The following TDRD3 variants were observed in gnomAD, a reference collection of about 807,000 sequenced individuals.
The protein encoded by TDRD3 is tudor domain containing 3.
TDRD3 carries 45 observed loss-of-function variants against 86.7 expected under a neutral mutation model. The ratio of observed to expected loss-of-function variants is 0.52; its 90% CI spans 0.41 to 0.67. The LOEUF is 0.67. TDRD3 is among the 30% of genes least tolerant of loss of function. TDRD3 has a pLI of 0.00. For missense variants in TDRD3, 814 were observed against 889.0 expected (o/e 0.92, Z 1.07); for synonymous variants, 298 against 301.7 (o/e 0.99, Z 0.13).
At chr13:60,464,432 A>C (rs1955870337) in intron 4 of TDRD3, among the ~76,000 whole-genome samples, 1 of 152,148 alleles carries the variant, frequency 6.6e-6, no homozygotes, top group Non-Finnish European at 1.5e-5. Flanking sequence ...AAGTCAGCAT[A>C]TTGAGGAAGC....
intron 12 of TDRD3, chr13:60,537,521 T>C (rs994306704): frequency 1.3e-5 from 2 of 152,068 alleles, no homozygotes; most frequent in Non-Finnish European, 2.9e-5. Context: ...TTGGGGTCTT[T>C]GAGTACTTTT....
intron 8 of TDRD3, among the ~76,000 whole-genome samples, chr13:60,497,258 G>C (rs1302989369): frequency 6.6e-6 from 1 of 152,134 alleles, no homozygotes; most frequent in Non-Finnish European, 1.5e-5. Flanking sequence ...AGATTTAATA[G>C]AGTGAAAACA....
rs1958640563 is a variant in TDRD3, at chr13:60,573,748, G to C, written c.*142G>C. 2 of 805,176 alleles carry C rather than the reference G, an allele frequency of 2.5e-6. No individual in the cohort carries two copies. The highest frequency in any genetic ancestry group is 1.1e-4 in the South Asian group (2 of 17,610). 49.9% of individuals were successfully genotyped at this position (805,176 alleles called of 1,614,324 possible). A position where few individuals can be genotyped will look rare whatever the true frequency, so the allele number is the denominator to read the frequency against. ...TGAAGAAAGAAAAAACAGATTTTAG[G>C]GTGGAAAAAACAGTCAACTCACACA... is the stretch of plus-strand genomic sequence containing the variant. On this transcript the variant is annotated 3_prime_UTR_variant, in exon 14 of 14. Coordinates refer to ENST00000377881, the MANE Select transcript of TDRD3 (RefSeq NM_001146070.2).
chr13:60,436,150 A>T (rs1435834159), intron 1 of TDRD3, among the ~76,000 whole-genome samples: 1 of 143,578 alleles, frequency 7.0e-6, no homozygotes, highest in Non-Finnish European at 1.5e-5. Flanking sequence ...TTCCTTGTAG[A>T]TTCTGGATTC....
At chr13:60,457,571 C>T (rs555806961) in intron 3 of TDRD3, among the ~76,000 whole-genome samples, 5 of 152,296 alleles carry the variant, frequency 3.3e-5, no homozygotes, top group South Asian at 4.1e-4. Context: ...GTATTTTCTT[C>T]GCAATCAGGT....
At chr13:60,483,904 C>T in intron 6 of TDRD3, 58 bp downstream of exon 6, 1 of 1,522,990 alleles carries the variant, frequency 6.6e-7, no homozygotes, top group Non-Finnish European at 9.1e-7. Flanking sequence ...TTTTCATTAG[C>T]ATTCAAGCTG....
chr13:60,508,716 A>G (rs1393736509), intron 8 of TDRD3, among the ~76,000 whole-genome samples: 2 of 152,046 alleles, frequency 1.3e-5, no homozygotes, highest in Non-Finnish European at 2.9e-5. Context: ...TGGGCAATAT[A>G]TTTCTTGTGA....
intron 1 of TDRD3, among the ~76,000 whole-genome samples, chr13:60,430,653 C>T (rs867482599): frequency 1.3e-5 from 2 of 152,046 alleles, no homozygotes; most frequent in Middle Eastern, 3.4e-3. Context: ...GTTAGGTTAC[C>T]ATTGCCACTA....
At chr13:60,411,431 G>A (rs1333928099) in intron 1 of TDRD3, among the ~76,000 whole-genome samples, 4 of 152,084 alleles carry the variant, frequency 2.6e-5, no homozygotes, top group Non-Finnish European at 5.9e-5. Context: ...CTACTTATGT[G>A]AATAAGCATT....
intron 7 of TDRD3, among the ~76,000 whole-genome samples, chr13:60,492,855 A>T (rs562657523): frequency 6.6e-6 from 1 of 152,138 alleles, no homozygotes; most frequent in East Asian, 1.9e-4. Flanking sequence ...CCAACATTTT[A>T]AAAAAGTTTT....
chr13:60,495,243 A>T (rs562414554), intron 8 of TDRD3, among the ~76,000 whole-genome samples: 1 of 152,182 alleles, frequency 6.6e-6, no homozygotes, highest in Non-Finnish European at 1.5e-5. Context: ...GCAGTATAAC[A>T]ATATTAGGGC....
intron 2 of TDRD3, among the ~76,000 whole-genome samples, chr13:60,443,893 T>C (rs1566195406): frequency 6.6e-6 from 1 of 152,080 alleles, no homozygotes; most frequent in East Asian, 1.9e-4. Context: ...ATTGGATCTT[T>C]TTTATGAGTA....
rs541690296 is a variant in TDRD3 at position 60,448,636 on chromosome 13, T to C, written c.192+3888T>C. On this transcript the variant is annotated intron_variant, in intron 3 of 13. Transcript: ENST00000377881. ...ATTCAAAAGCTGTAAAAATTGTGAC[T>C]GGAAGGAAGTGTGGTAGGGAAGCCA... Among the ~76,000 whole-genome samples the C allele has an allele frequency of 3.9e-5, 6 of 152,224 alleles. No homozygotes were observed. The South Asian group carries it at 1.2e-3, about 32-fold the overall frequency.
At chr13:60,558,035 A>G (rs924881897) in intron 12 of TDRD3, among the ~76,000 whole-genome samples, 4 of 151,930 alleles carry the variant, frequency 2.6e-5, no homozygotes, top group Non-Finnish European at 1.5e-5. Context: ...GTTGGCCAGG[A>G]TGGTCTTGAT....
intron 11 of TDRD3, 77 bp downstream of exon 11, chr13:60,529,294 CTTTGGAA>C: frequency 1.4e-6 from 2 of 1,453,836 alleles, no homozygotes; most frequent in South Asian, 3.0e-5. Context: ...GAAGCTGTCA[CTTTGGAA>C]CTATGAGTCT....
intron 5 of TDRD3, 104 bp from the exon 6 acceptor site, chr13:60,483,671 C>A: frequency 2.0e-6 from 2 of 984,208 alleles, no homozygotes; most frequent in Non-Finnish European, 2.9e-6. Context: ...TTTCCTATTT[C>A]TTATAAGAAT....
intron 8 of TDRD3, among the ~76,000 whole-genome samples, chr13:60,507,116 T>G (rs1337875290): frequency 6.6e-6 from 1 of 152,100 alleles, no homozygotes; most frequent in African/African-American, 2.4e-5. Context: ...GGGCATTACA[T>G]AATGGTAAAA....
At chr13:60,506,911 A>T (rs1300227099) in intron 8 of TDRD3, among the ~76,000 whole-genome samples, 1 of 152,194 alleles carries the variant, frequency 6.6e-6, no homozygotes, top group Non-Finnish European at 1.5e-5. Flanking sequence ...CAGACTGGCA[A>T]ATTGGATAAA....
intron 8 of TDRD3, among the ~76,000 whole-genome samples, chr13:60,503,014 A>T (rs1956865314): frequency 6.6e-6 from 1 of 152,238 alleles, no homozygotes; most frequent in Non-Finnish European, 1.5e-5. Flanking sequence ...AACTTTGTTC[A>T]CAGAATACCT....
Sources: allele counts gnomAD v4.1 joint callset (sites outside exome capture counted in the v4.1 genomes callset), GRCh38; gene constraint gnomAD v4.1.1; transcripts MANE v1.5; gene names NCBI Gene and HGNC (gene_info 2026-07-23, HGNC 2026-07-21).